Variants in TMCC1 observed in about 807,000 individuals in gnomAD.
TMCC1 encodes the protein transmembrane and coiled-coil domain family 1.
Under a neutral mutation model 52.4 loss-of-function variants are expected in TMCC1, and 15 were observed. The observed-to-expected ratio is 0.29, with a 90% CI of 0.19 to 0.44. The LOEUF (loss-of-function observed/expected upper bound fraction) is 0.44, where lower values mean the gene tolerates loss of function less well. Ranked by LOEUF, TMCC1 falls within the 20% of genes least tolerant of loss-of-function variation. TMCC1 has a pLI of 1.00. For missense variants in TMCC1, 503 were observed against 806.0 expected (o/e 0.62, Z 4.55); for synonymous variants, 279 against 301.9 (o/e 0.92, Z 0.79).
At chr3:129,875,103 C>T (rs540117066) in intron 2 of TMCC1, among the ~76,000 whole-genome samples, 152 of 151,812 alleles carry the variant, frequency 1.0e-3, no homozygotes, top group African/African-American at 3.4e-3. Context: ...CATCTGTAGT[C>T]GCAGCTACTC....
Position 129,746,169 on chromosome 3 carries a change from G to T in TMCC1, c.577-74905C>A, listed in dbSNP as rs529784599. On this transcript the variant is annotated intron_variant, in intron 4 of 6. Transcript: ENST00000393238. ...AATATGCATATAGCTTTAAAAACTG[G>T]TTTAATTTTTTTTTTCCTGAGATGG... Among the ~76,000 whole-genome samples the T allele has an allele frequency of 2.0e-5, 3 of 151,778 alleles. No individual in the cohort carries two copies. The East Asian group carries it at 5.8e-4, about 30-fold the overall frequency.
chr3:129,814,535 T>G (rs1319380192), intron 4 of TMCC1, among the ~76,000 whole-genome samples: 1 of 152,126 alleles, frequency 6.6e-6, no homozygotes, highest in Non-Finnish European at 1.5e-5. Flanking sequence ...AATGGCAGTA[T>G]TAAGCCCTTA....
chr3:129,733,189 C>T (rs957445943), intron 4 of TMCC1, among the ~76,000 whole-genome samples: 2 of 152,216 alleles, frequency 1.3e-5, no homozygotes, highest in Non-Finnish European at 2.9e-5. Flanking sequence ...TAACAGGCAT[C>T]TTAAGCCACG....
intron 5 of TMCC1, among the ~76,000 whole-genome samples, chr3:129,669,003 C>A (rs565454611): frequency 6.6e-6 from 1 of 152,328 alleles, no homozygotes; most frequent in East Asian, 1.9e-4. Context: ...TTCTCCCTCC[C>A]ACACTCACTT....
At position 129,667,470 on chromosome 3, in the gene TMCC1, GAA is replaced by G. The variant is rs778155849; in HGVS notation, c.1511+2858_1511+2859del. Among the ~76,000 whole-genome samples the G allele has an allele frequency of 4.6e-5, 7 of 152,168 alleles. No individual in the cohort carries two copies. In the East Asian group the frequency reaches 1.4e-3, roughly 29 times the overall value. On this transcript the variant is annotated intron_variant, in intron 5 of 6. Coordinates refer to ENST00000393238, the MANE Select transcript of TMCC1 (RefSeq NM_001017395.5). ...TCTTTCTTCAAGATTGTGTTTTAAG[GAA>G]AAGTCATTCTAAAACTGAAATGGGA...
At chr3:129,711,652 C>G (rs1461253544) in intron 4 of TMCC1, among the ~76,000 whole-genome samples, 1 of 151,728 alleles carries the variant, frequency 6.6e-6, no homozygotes, top group Non-Finnish European at 1.5e-5. Context: ...TGAGACCAGC[C>G]TGGCCAACAT....
intron 4 of TMCC1, among the ~76,000 whole-genome samples, chr3:129,697,521 T>C (rs762180790): frequency 4.4e-4 from 67 of 152,180 alleles, no homozygotes; most frequent in Admixed American, 8.5e-4. Context: ...ATTTTCCCCA[T>C]TGTCTTGGTG....
At chr3:129,849,471 A>AAAAAAGTATCTCGGCCAGGCACGGTGGCT in intron 2 of TMCC1, among the ~76,000 whole-genome samples, 1 of 145,256 alleles carries the variant, frequency 6.9e-6, no homozygotes, top group Non-Finnish European at 1.5e-5. Flanking sequence ...CAAAAAAAAA[A>AAAAAAGTATCTCGGCCAGGCACGGTGGCT]AAAAGTATCT....
intron 4 of TMCC1, among the ~76,000 whole-genome samples, chr3:129,762,919 C>A (rs2053730600): frequency 6.6e-6 from 1 of 152,062 alleles, no homozygotes; most frequent in Non-Finnish European, 1.5e-5. Context: ...CCATTATAGG[C>A]CGGGCGCGGT....
At chr3:129,725,798 G>C (rs972399517) in intron 4 of TMCC1, among the ~76,000 whole-genome samples, 1 of 152,024 alleles carries the variant, frequency 6.6e-6, no homozygotes, top group Non-Finnish European at 1.5e-5. Flanking sequence ...AGAAACAACC[G>C]TACTAAATTT....
chr3:129,694,291 A>G (rs1406546856), intron 4 of TMCC1, among the ~76,000 whole-genome samples: 1 of 152,252 alleles, frequency 6.6e-6, no homozygotes, highest in Non-Finnish European at 1.5e-5. Context: ...TAATTGCTCA[A>G]AACTGTATGG....
intron 4 of TMCC1, among the ~76,000 whole-genome samples, chr3:129,743,492 A>G (rs1370664470): frequency 2.0e-5 from 3 of 152,210 alleles, no homozygotes; most frequent in Admixed American, 1.3e-4. Context: ...CTACCCCTCT[A>G]TATGTTTATG....
At chr3:129,666,985 TC>T (rs2087512046) in intron 5 of TMCC1, among the ~76,000 whole-genome samples, 1 of 151,528 alleles carries the variant, frequency 6.6e-6, no homozygotes, top group Non-Finnish European at 1.5e-5. Flanking sequence ...CACTGCAACC[TC>T]CACCTCTCAG....
chr3:129,873,786 G>A (rs921393579), intron 2 of TMCC1, among the ~76,000 whole-genome samples: 2 of 152,134 alleles, frequency 1.3e-5, no homozygotes, highest in Admixed American at 1.3e-4. Flanking sequence ...AACCAGAAGT[G>A]TTTTAGATTT....
intron 5 of TMCC1, among the ~76,000 whole-genome samples, chr3:129,658,906 A>G (rs1286133201): frequency 6.6e-6 from 1 of 152,106 alleles, no homozygotes; most frequent in Non-Finnish European, 1.5e-5. Context: ...TATGTCTAAC[A>G]ATGAAAAAAA....
intron 4 of TMCC1, among the ~76,000 whole-genome samples, chr3:129,728,535 C>T (rs943022786): frequency 9.2e-5 from 14 of 152,192 alleles, no homozygotes; most frequent in Non-Finnish European, 1.3e-4. Flanking sequence ...CTGCCCATCT[C>T]GGCCTCCCAA....
chr3:129,799,193 C>T (rs1359067050), intron 4 of TMCC1, among the ~76,000 whole-genome samples: 1 of 152,098 alleles, frequency 6.6e-6, no homozygotes, highest in African/African-American at 2.4e-5. Flanking sequence ...GACTTGGACA[C>T]GGCTCTTTGA....
At chr3:129,734,214 A>G in intron 4 of TMCC1, among the ~76,000 whole-genome samples, 1 of 152,246 alleles carries the variant, frequency 6.6e-6, no homozygotes, top group East Asian at 1.9e-4. Context: ...GTATATTCAT[A>G]AAACAGAATA....
intron 4 of TMCC1, among the ~76,000 whole-genome samples, chr3:129,820,615 T>TA (rs1157173022): frequency 6.6e-6 from 1 of 152,052 alleles, no homozygotes; most frequent in East Asian, 1.9e-4. Flanking sequence ...GGGAGAATGT[T>TA]AGAGAGCTAT....
Sources: allele counts gnomAD v4.1 joint callset (sites outside exome capture counted in the v4.1 genomes callset), GRCh38; gene constraint gnomAD v4.1.1; transcripts MANE v1.5; gene names NCBI Gene and HGNC (gene_info 2026-07-23, HGNC 2026-07-21).